NFE2L2: variants seen among roughly 807,000 people sequenced by gnomAD.
NFE2L2 encodes nuclear factor erythroid 2-related factor 2.
A neutral mutation model predicts 49.6 loss-of-function variants in NFE2L2; 20 were observed. That is an observed-to-expected ratio of 0.40 (90% CI 0.28 to 0.59). The LOEUF is 0.59. NFE2L2 is among the 20% of genes least tolerant of loss of function. The pLI, the probability that NFE2L2 is intolerant of heterozygous loss-of-function variation, is 0.40. For missense variants in NFE2L2, 578 were observed against 714.2 expected, an observed-to-expected ratio of 0.81 and a Z score of 2.17; for synonymous variants, 244 against 256.5, an observed-to-expected ratio of 0.95 and a Z score of 0.47.
At chr2:177,235,514 A>ATG (rs1689717417) in intron 1 of NFE2L2, among the ~76,000 whole-genome samples, 1 of 152,094 alleles carries the variant, frequency 6.6e-6, no homozygotes, top group Admixed American at 6.5e-5. Flanking sequence ...CATAGGAAGA[A>ATG]TCTTACAAAG....
intron 1 of NFE2L2, 198 bp downstream of exon 1, chr2:177,264,333 CG>C: frequency 1.9e-6 from 1 of 520,738 alleles, no homozygotes; most frequent in Non-Finnish European, 3.2e-6. Flanking sequence ...CGTGGTCGGT[CG>C]GATCACCCGG....
chr2:177,264,456 C>T lies in NFE2L2; in HGVS notation c.45+76G>A, dbSNP rs544034352. 4,893 of 1,456,426 alleles carry T rather than the reference C, an allele frequency of 3.4e-3. 17 individuals carry two copies. The highest frequency in any genetic ancestry group is 6.2e-3 in the Middle Eastern group (29 of 4,704). The allele number at this position is 1,456,426 out of a possible 1,614,324, so 90.2% of individuals were successfully genotyped here. ...TGGGGGAAGCCGGTTGCGGCTGTCC[C>T]TCCCGGGCCGCGGTTCCCTAGCTCC... On this transcript the variant is annotated intron_variant, in intron 1 of 4. Transcript: ENST00000397062.
At chr2:177,248,684 C>T (rs533340716) in intron 1 of NFE2L2, among the ~76,000 whole-genome samples, 25 of 152,340 alleles carry the variant, frequency 1.6e-4, no homozygotes, top group African/African-American at 5.8e-4. Flanking sequence ...GCTGGCATTA[C>T]AGGCATGAGC....
At chr2:177,233,941 T>G (rs1226446407) in intron 2 of NFE2L2, 64 bp downstream of exon 2, 1 of 1,580,124 alleles carries the variant, frequency 6.3e-7, no homozygotes, top group Admixed American at 1.9e-5. Flanking sequence ...CCAGATATTT[T>G]AATTCCTTGC....
chr2:177,234,534 T>C (rs1689673593), intron 1 of NFE2L2, among the ~76,000 whole-genome samples: 1 of 152,150 alleles, frequency 6.6e-6, no homozygotes, highest in Non-Finnish European at 1.5e-5. Flanking sequence ...AGGGTGATGG[T>C]AGAGGTCACT....
At chr2:177,234,299 G>T in intron 1 of NFE2L2, 28 bp from the exon 2 acceptor site, 1 of 1,570,102 alleles carries the variant, frequency 6.4e-7, no homozygotes, top group African/African-American at 1.4e-5. Context: ...AAAGGAAGGA[G>T]AGAGCTCATG....
intron 1 of NFE2L2, among the ~76,000 whole-genome samples, chr2:177,237,926 C>T (rs1453071130): frequency 6.6e-6 from 1 of 152,150 alleles, no homozygotes; most frequent in African/African-American, 2.4e-5. Flanking sequence ...GAGCTATCTG[C>T]CCAAGCAAGG....
chr2:177,264,284 A>C, intron 1 of NFE2L2: 1 of 464,342 alleles, frequency 2.2e-6, no homozygotes, highest in South Asian at 3.2e-5. Context: ...CTCAGTCCCC[A>C]GACCTTCCCG....
chr2:177,261,355 G>T (rs1408169255), intron 1 of NFE2L2, among the ~76,000 whole-genome samples: 2 of 152,080 alleles, frequency 1.3e-5, no homozygotes, highest in Non-Finnish European at 2.9e-5. Context: ...TTGCTAAATG[G>T]AAAAGCTGCA....
chr2:177,262,441 C>T (rs1690774480), intron 1 of NFE2L2, among the ~76,000 whole-genome samples: 1 of 152,200 alleles, frequency 6.6e-6, no homozygotes, highest in Non-Finnish European at 1.5e-5. Context: ...AAAACTATAT[C>T]CTACTACCAC....
Position 177,232,381 on chromosome 2 carries a change from A to G in NFE2L2, c.594+11T>C. On this transcript the variant is annotated intron_variant, in intron 4 of 4. Coordinates refer to ENST00000397062, the MANE Select transcript of NFE2L2 (RefSeq NM_006164.5). ...AAAAAAATCTCCAGTATTACATTCT[A>G]TTTTAGTTACCTGTAACTCAGGAAT... is the stretch of plus-strand genomic sequence containing the variant. The G allele has an allele frequency of 1.2e-6, 2 of 1,606,980 alleles. No homozygotes were observed. Among genetic ancestry groups the G allele is most frequent in the Non-Finnish European group, 1.7e-6 (2 of 1,176,034 alleles).
chr2:177,257,810 T>C (rs1033630176), intron 1 of NFE2L2, among the ~76,000 whole-genome samples: 3 of 152,204 alleles, frequency 2.0e-5, no homozygotes, highest in Non-Finnish European at 4.4e-5. Flanking sequence ...AAACTGAGTA[T>C]GCAAGGGATG....
chr2:177,247,112 T>C (rs1173904276), intron 1 of NFE2L2, among the ~76,000 whole-genome samples: 2 of 152,194 alleles, frequency 1.3e-5, no homozygotes, highest in African/African-American at 4.8e-5. Context: ...GTGGAGTTGC[T>C]GGGTCAAAGA....
chr2:177,251,215 G>A (rs1690326563), intron 1 of NFE2L2, among the ~76,000 whole-genome samples: 1 of 152,164 alleles, frequency 6.6e-6, no homozygotes, highest in African/African-American at 2.4e-5. Flanking sequence ...AATTTAGTTG[G>A]GGTAGTTATT....
At chr2:177,252,264 G>A (rs149108953) in intron 1 of NFE2L2, among the ~76,000 whole-genome samples, 27 of 152,208 alleles carry the variant, frequency 1.8e-4, no homozygotes, top group Middle Eastern at 3.4e-3. Flanking sequence ...CTCACAGGGC[G>A]TAGTAAGGAT....
intron 1 of NFE2L2, among the ~76,000 whole-genome samples, chr2:177,244,116 C>T (rs1408299624): frequency 3.3e-5 from 5 of 151,398 alleles, no homozygotes; most frequent in Admixed American, 6.6e-5. Context: ...CTGGCTAACA[C>T]GGTGAAACCC....
intron 1 of NFE2L2, among the ~76,000 whole-genome samples, chr2:177,234,584 C>A (rs959625223): frequency 3.9e-5 from 6 of 152,168 alleles, no homozygotes; most frequent in African/African-American, 1.4e-4. Context: ...AGAAGAAATC[C>A]CACCCTTGTT....
chr2:177,234,309 G>A, intron 1 of NFE2L2, 38 bp from the exon 2 acceptor site: 4 of 1,560,676 alleles, frequency 2.6e-6, no homozygotes, highest in Non-Finnish European at 3.4e-6. Context: ...GAGAGCTCAT[G>A]TTTTTTAAAT....
At chr2:177,241,209 G>T (rs528068081) in intron 1 of NFE2L2, among the ~76,000 whole-genome samples, 1 of 152,252 alleles carries the variant, frequency 6.6e-6, no homozygotes, top group African/African-American at 2.4e-5. Flanking sequence ...AATGTCTTAA[G>T]TTATTCCTTC....
Sources: allele counts gnomAD v4.1 joint callset (sites outside exome capture counted in the v4.1 genomes callset), GRCh38; gene constraint gnomAD v4.1.1; transcripts MANE v1.5; gene names NCBI Gene and HGNC (gene_info 2026-07-23, HGNC 2026-07-21).